CSMD1: variants seen among roughly 807,000 people sequenced by gnomAD.
CSMD1 encodes the protein CUB and sushi domain-containing protein 1.
In CSMD1, 213 loss-of-function variants were observed where a neutral mutation model predicts 417.5. The ratio of observed to expected loss-of-function variants is 0.51; its 90% CI spans 0.46 to 0.57. The LOEUF is 0.57. Ranked by LOEUF, CSMD1 falls within the 20% of genes least tolerant of loss-of-function variation. The pLI, the probability that CSMD1 is intolerant of heterozygous loss-of-function variation, is 0.00. For synonymous variants in CSMD1, 2,862 were observed against 1,736.8 expected (o/e 1.65, Z -16.11); for missense variants, 6,923 against 4,529.7 (o/e 1.53, Z -15.17).
intron 1 of CSMD1, among the ~76,000 whole-genome samples, chr8:4,716,425 G>A (rs1185179459): frequency 3.3e-5 from 5 of 152,018 alleles, no homozygotes; most frequent in East Asian, 3.9e-4. Flanking sequence ...TGTATACAAG[G>A]GACATCAAGA....
At chr8:4,173,237 T>A (rs1370711909) in intron 3 of CSMD1, among the ~76,000 whole-genome samples, 1 of 152,184 alleles carries the variant, frequency 6.6e-6, no homozygotes, top group Non-Finnish European at 1.5e-5. Context: ...AATGCAAGCT[T>A]GTCTCACGCA....
chr8:3,966,720 T>TTCACAC (rs1308739226), intron 5 of CSMD1, among the ~76,000 whole-genome samples: 1 of 140,384 alleles, frequency 7.1e-6, no homozygotes, highest in Non-Finnish European at 1.5e-5. Flanking sequence ...GCTGCAGGCA[T>TTCACAC]TCACACACAC....
intron 10 of CSMD1, among the ~76,000 whole-genome samples, chr8:3,539,187 G>C (rs535005230): frequency 6.6e-6 from 1 of 152,226 alleles, no homozygotes; most frequent in African/African-American, 2.4e-5. Flanking sequence ...TGCATTTGCT[G>C]TAATTTAGGT....
At chr8:3,548,594 T>C (rs1798774758) in intron 10 of CSMD1, among the ~76,000 whole-genome samples, 1 of 150,926 alleles carries the variant, frequency 6.6e-6, no homozygotes, top group African/African-American at 2.4e-5. Flanking sequence ...TAGTCCCCAA[T>C]CTCATCCAGG....
chr8:4,891,130 T>C (rs1481353473), intron 1 of CSMD1, among the ~76,000 whole-genome samples: 1 of 152,174 alleles, frequency 6.6e-6, no homozygotes, highest in Non-Finnish European at 1.5e-5. Flanking sequence ...CAGAGGCTGA[T>C]GCCACGGTAT....
At chr8:4,045,101 G>A (rs1437861996) in intron 3 of CSMD1, among the ~76,000 whole-genome samples, 1 of 152,198 alleles carries the variant, frequency 6.6e-6, no homozygotes, top group Non-Finnish European at 1.5e-5. Flanking sequence ...GGGGCACAGG[G>A]AGACACTGAA....
intron 42 of CSMD1, among the ~76,000 whole-genome samples, chr8:3,115,170 T>C (rs1299504472): frequency 4.6e-5 from 7 of 151,460 alleles, no homozygotes; most frequent in Admixed American, 1.3e-4. Context: ...CAAATTCTAC[T>C]TAATCATATT....
chr8:3,247,050 A>C (rs1036965723), intron 26 of CSMD1, among the ~76,000 whole-genome samples: 11 of 152,082 alleles, frequency 7.2e-5, no homozygotes, highest in African/African-American at 2.4e-4. Flanking sequence ...GGTGTAAGTG[A>C]AGATCTAAGG....
intron 3 of CSMD1, among the ~76,000 whole-genome samples, chr8:4,034,219 G>A (rs1231266173): frequency 1.3e-5 from 2 of 150,818 alleles, no homozygotes; most frequent in Admixed American, 6.8e-5. Flanking sequence ...TATTTATCAT[G>A]ATATTACTTA....
intron 3 of CSMD1, among the ~76,000 whole-genome samples, chr8:4,070,832 T>C (rs1585249515): frequency 6.6e-6 from 1 of 152,212 alleles, no homozygotes; most frequent in Non-Finnish European, 1.5e-5. Context: ...TTCTTGAAGG[T>C]TGTTTTCACG....
intron 1 of CSMD1, among the ~76,000 whole-genome samples, chr8:4,978,416 G>C (rs1383732250): frequency 3.9e-5 from 6 of 152,178 alleles, no homozygotes; most frequent in African/African-American, 1.2e-4. Flanking sequence ...TTTGGGTGGA[G>C]GGTATGTTTA....
At chr8:4,545,456 G>C (rs1722691378) in intron 2 of CSMD1, among the ~76,000 whole-genome samples, 1 of 152,146 alleles carries the variant, frequency 6.6e-6, no homozygotes. Flanking sequence ...AAAATAGGAA[G>C]GGCTCGTTTA....
rs758458418 is a variant in CSMD1 at position 3,468,795 on chromosome 8, A to G, written c.1478T>C (p.Ile493Thr). ...CCACATCTGGTTGCTCATGCTCACA[A>G]TGAGGTCAGGAACACTGGATCCCGT... ...VLTGSSVPDL[I>T]VSMSNQMWLH... The change falls in exon 12 of 70, where the codon ATT (isoleucine) becomes ACT (threonine). Residue 493 changes from isoleucine (I) to threonine (T), a missense_variant. Coordinates refer to ENST00000635120, the MANE Select transcript of CSMD1 (RefSeq NM_033225.6). 92 of 1,602,854 alleles carry G rather than the reference A, an allele frequency of 5.7e-5. No individual in the cohort carries two copies. Among genetic ancestry groups the G allele is most frequent in the Non-Finnish European group, 7.6e-5 (89 of 1,174,806 alleles).
intron 1 of CSMD1, among the ~76,000 whole-genome samples, chr8:4,812,721 A>G (rs1349976979): frequency 6.6e-6 from 1 of 152,242 alleles, no homozygotes; most frequent in African/African-American, 2.4e-5. Context: ...TACTATTAAA[A>G]GAAATTGCCT....
At chr8:4,016,186 G>A (rs1796514628) in intron 4 of CSMD1, among the ~76,000 whole-genome samples, 1 of 152,138 alleles carries the variant, frequency 6.6e-6, no homozygotes, top group Non-Finnish European at 1.5e-5. Context: ...CGTAACACTT[G>A]CCAGAGAGGT....
chr8:3,257,397 T>G (rs552293403), intron 26 of CSMD1, among the ~76,000 whole-genome samples: 1 of 152,210 alleles, frequency 6.6e-6, no homozygotes, highest in Non-Finnish European at 1.5e-5. Context: ...AATCAACAAA[T>G]TAGGATCTCT....
intron 36 of CSMD1, among the ~76,000 whole-genome samples, chr8:3,186,361 G>C (rs1821759271): frequency 1.3e-5 from 2 of 152,206 alleles, no homozygotes; most frequent in African/African-American, 4.8e-5. Flanking sequence ...TTTAAGGACA[G>C]TAATGGGCTA....
At chr8:4,441,291 G>T (rs537461883) in intron 2 of CSMD1, among the ~76,000 whole-genome samples, 3 of 142,966 alleles carry the variant, frequency 2.1e-5, no homozygotes, top group East Asian at 2.1e-4. Flanking sequence ...TTGGTGGGGG[G>T]AGTAGAGAGG....
At chr8:3,132,057 G>A (rs1044939067) in intron 41 of CSMD1, among the ~76,000 whole-genome samples, 21 of 152,172 alleles carry the variant, frequency 1.4e-4, no homozygotes, top group African/African-American at 4.3e-4. Context: ...GCCACCTCTA[G>A]TGTAAGCCAG....
Sources: allele counts gnomAD v4.1 joint callset (sites outside exome capture counted in the v4.1 genomes callset), GRCh38; gene constraint gnomAD v4.1.1; transcripts MANE v1.5; gene names NCBI Gene and HGNC (gene_info 2026-07-23, HGNC 2026-07-21).